CTBP2: variants seen among roughly 807,000 people sequenced by gnomAD.
The protein encoded by CTBP2 is C-terminal-binding protein 2.
Under a neutral mutation model 80.3 loss-of-function variants are expected in CTBP2, and 30 were observed. The observed-to-expected ratio is 0.37, with a 90% CI of 0.28 to 0.51. The LOEUF (loss-of-function observed/expected upper bound fraction) is 0.51, where lower values mean the gene tolerates loss of function less well. CTBP2 is among the 20% of genes least tolerant of loss of function. CTBP2 has a pLI of 0.93. For synonymous variants in CTBP2, 594 were observed against 587.4 expected (o/e 1.01, Z -0.16); for missense variants, 1,212 against 1,375.3 (o/e 0.88, Z 1.88).
intron 1 of CTBP2, among the ~76,000 whole-genome samples, chr10:125,145,747 G>A (rs1858654349): frequency 6.6e-6 from 1 of 152,104 alleles, no homozygotes; most frequent in African/African-American, 2.4e-5. Context: ...CAGCTAGCGT[G>A]GGAGCACTTC....
intron 1 of CTBP2, among the ~76,000 whole-genome samples, chr10:125,018,142 A>G (rs1230077572): frequency 6.6e-6 from 1 of 152,162 alleles, no homozygotes; most frequent in Non-Finnish European, 1.5e-5. Context: ...TGTGGGACTC[A>G]GGGTAGGGGG....
At chr10:125,124,709 T>C (rs1489331841) in intron 1 of CTBP2, among the ~76,000 whole-genome samples, 1 of 152,216 alleles carries the variant, frequency 6.6e-6, no homozygotes, top group East Asian at 1.9e-4. Flanking sequence ...ATAATTTGAT[T>C]AAACATATTT....
At chr10:125,013,926 TTCTC>T (rs769469139) in intron 1 of CTBP2, among the ~76,000 whole-genome samples, 2 of 152,060 alleles carry the variant, frequency 1.3e-5, no homozygotes, top group Non-Finnish European at 2.9e-5. Flanking sequence ...GGTCTTAAAG[TTCTC>T]TCTCTTTTAC....
Position 124,984,537 on chromosome 10 carries a change from T to C in CTBP2, c.*4981A>G, listed in dbSNP as rs980459477. ...TTATTTTATCTAACAAATTACCCTCTAGTGTGCTCCTCTTTAGTTTTTTTC... is the reference window on the plus strand; with the variant it reads ...TTATTTTATCTAACAAATTACCCTCCAGTGTGCTCCTCTTTAGTTTTTTTC... On this transcript the variant is annotated 3_prime_UTR_variant, in exon 9 of 9. Transcript: ENST00000309035. 1.4e-5 allele frequency: 7 copies of C among 509,950 alleles called. No homozygotes were observed. Among genetic ancestry groups the C allele is most frequent in the African/African-American group, 9.6e-5 (5 of 52,198 alleles). The allele number at this position is 509,950 out of a possible 1,614,324, so 31.6% of individuals were successfully genotyped here. A position where few individuals can be genotyped will look rare whatever the true frequency, so the allele number is the denominator to read the frequency against.
At chr10:125,006,608 G>A (rs1400636104) in intron 1 of CTBP2, among the ~76,000 whole-genome samples, 1 of 152,240 alleles carries the variant, frequency 6.6e-6, no homozygotes, top group Non-Finnish European at 1.5e-5. Flanking sequence ...CTCATATGGA[G>A]AGATGAAGGT....
intron 2 of CTBP2, among the ~76,000 whole-genome samples, chr10:125,046,871 C>T (rs774369716): frequency 6.6e-6 from 1 of 152,166 alleles, no homozygotes; most frequent in Non-Finnish European, 1.5e-5. Context: ...TGTTAGCACA[C>T]GAAAATACAT....
rs201153163 is a variant in CTBP2 at position 125,060,912 on chromosome 10, C to T, written c.-101-21757G>A. Reference sequence around the variant, plus strand: ...GCTAAGGTGCAAAGGGAGGAAAGAGCAACATGCAGGGTGACACCTGCAGAC... The same window carrying T: ...GCTAAGGTGCAAAGGGAGGAAAGAGTAACATGCAGGGTGACACCTGCAGAC... On this transcript the variant is annotated intron_variant, in intron 2 of 10. Transcript: ENST00000337195. Among the ~76,000 whole-genome samples the T allele has an allele frequency of 6.6e-5, 10 of 152,320 alleles. No individual in the cohort carries two copies. The East Asian group carries it at 1.9e-3, about 29-fold the overall frequency.
At chr10:124,993,683 T>C (rs1325550934) in intron 6 of CTBP2, among the ~76,000 whole-genome samples, 172 bp downstream of exon 8, 1 of 152,234 alleles carries the variant, frequency 6.6e-6, no homozygotes, top group Non-Finnish European at 1.5e-5. Context: ...TTCCAGCCCT[T>C]TTACAATTAG....
Position 124,998,130 on chromosome 10 carries a change from C to A in CTBP2, c.2019G>T (p.Glu673Asp), listed in dbSNP as rs770486965. 6.2e-7 allele frequency: 1 copy of A among 1,611,644 alleles called. No homozygotes were observed. Among genetic ancestry groups the A allele is most frequent in the South Asian group, 1.1e-5 (1 of 90,582 alleles). Residue 673 changes from glutamate (E) to aspartate (D), a missense_variant, in exon 4 of 9, where the codon GAG becomes GAT. Physicochemically the swap from Glu to Asp is conservative, Grantham distance 45. Transcript: ENST00000309035. Reference sequence around the variant, plus strand: ...TGTGGCAGATGGTAGAGTCCGCTGTCTCTTCCACGGCTGCAGACGGGATGT... The same window carrying A: ...TGTGGCAGATGGTAGAGTCCGCTGTATCTTCCACGGCTGCAGACGGGATGT...
At chr10:125,149,555 CG>C (rs1435100988) in intron 1 of CTBP2, among the ~76,000 whole-genome samples, 1 of 152,184 alleles carries the variant, frequency 6.6e-6, no homozygotes, top group East Asian at 1.9e-4. Flanking sequence ...AAGATGGAGG[CG>C]GGGGGCACCC....
At chr10:125,132,427 AAC>A (rs1164659709) in intron 1 of CTBP2, among the ~76,000 whole-genome samples, 1 of 152,218 alleles carries the variant, frequency 6.6e-6, no homozygotes, top group Non-Finnish European at 1.5e-5. Context: ...CCTTGTCAGA[AAC>A]ACAGGAATGG....
chr10:125,027,581 G>A lies in CTBP2; in HGVS notation c.179C>T (p.Ala60Val). The A allele has an allele frequency of 1.9e-6, 3 of 1,614,142 alleles. No homozygotes were observed. Among genetic ancestry groups the A allele is most frequent in the Non-Finnish European group, 2.5e-6 (3 of 1,180,032 alleles). ...GGGCTCGGCGGCCACGGGCAGGGCAGCGTCCTGTGGTCGGTGGTTTGGCTC... is the reference window on the plus strand; with the variant it reads ...GGGCTCGGCGGCCACGGGCAGGGCAACGTCCTGTGGTCGGTGGTTTGGCTC... The change falls in exon 1 of 9, where the codon GCT becomes GTT. Residue 60 changes from alanine to valine, a missense_variant. By Grantham distance (64) the Ala-to-Val change is moderately conservative. Around this residue, in one of 3 missense-constraint regions of CTBP2, gnomAD observed 848 missense variants for 782.3 expected, o/e 1.08. Coordinates refer to ENST00000309035, the MANE Select transcript of CTBP2 (RefSeq NM_022802.3).
In CTBP2 at chr10:124,994,767, C is replaced by T. The variant is rs534624030; in HGVS notation, c.2186-84G>A. On this transcript the variant is annotated intron_variant, in intron 4 of 8. Transcript: ENST00000309035. ...ACCTCCATTGCTTCTGAGCTGAGTC[C>T]GGGCTTGGCATCCCCGCTGGTAGCT... 184 of 1,384,620 alleles carry T rather than the reference C, an allele frequency of 1.3e-4. 1 individual carries two copies. The East Asian group carries it at 1.6e-3, about 12-fold the overall frequency. The allele number at this position is 1,384,620 out of a possible 1,614,324, so 85.8% of individuals were successfully genotyped here.
chr10:125,007,238 G>A (rs900970568), intron 1 of CTBP2, among the ~76,000 whole-genome samples: 1 of 152,098 alleles, frequency 6.6e-6, no homozygotes, highest in African/African-American at 2.4e-5. Flanking sequence ...AAGCCCTGCC[G>A]GCTCCCCTGG....
At chr10:125,030,829 A>T (rs193131554), upstream of CTBP2, among the ~76,000 whole-genome samples, 2 of 152,264 alleles carry the variant, frequency 1.3e-5, no homozygotes, top group Admixed American at 6.5e-5. Flanking sequence ...CAACTGAAGG[A>T]ACTTAAGGAA....
chr10:125,035,669 G>A (rs1163797420), intron 3 of CTBP2, among the ~76,000 whole-genome samples: 1 of 152,152 alleles, frequency 6.6e-6, no homozygotes, highest in Non-Finnish European at 1.5e-5. Context: ...TGCTCTTCTG[G>A]GTTCCCTTTG....
chr10:125,137,759 TAGCAATC>T (rs1565013273), intron 1 of CTBP2, among the ~76,000 whole-genome samples: 33 of 152,378 alleles, frequency 2.2e-4, no homozygotes, highest in East Asian at 1.9e-3. Context: ...TGCCAGCCTC[TAGCAATC>T]ACCTCCACCA....
At chr10:125,078,459 C>T (rs975588383) in intron 2 of CTBP2, among the ~76,000 whole-genome samples, 4 of 151,770 alleles carry the variant, frequency 2.6e-5, no homozygotes, top group African/African-American at 9.7e-5. Flanking sequence ...AAAGCCACTT[C>T]GTCACCTCAA....
rs1424139641 is a variant in CTBP2, at chr10:124,987,093, A to G, written c.*2425T>C. ...GCTACAGACAGGAATGGGGCTCTAA[A>G]TGGTTTTCATAGACTGGCTGTTAAA... On this transcript the variant is annotated 3_prime_UTR_variant, in exon 9 of 9. Coordinates refer to ENST00000309035, the MANE Select transcript of CTBP2 (RefSeq NM_022802.3). 2 of 152,624 alleles carry G rather than the reference A, an allele frequency of 1.3e-5. No homozygotes were observed. Among genetic ancestry groups the G allele is most frequent in the Non-Finnish European group, 2.9e-5 (2 of 68,042 alleles). 9.5% of individuals were successfully genotyped at this position (152,624 alleles called of 1,614,324 possible). A position where few individuals can be genotyped will look rare whatever the true frequency, so the allele number is the denominator to read the frequency against.
Sources: allele counts gnomAD v4.1 joint callset (sites outside exome capture counted in the v4.1 genomes callset), GRCh38; gene constraint gnomAD v4.1.1; regional missense constraint gnomAD v4.1.1; transcripts MANE v1.5; gene names NCBI Gene and HGNC (gene_info 2026-07-23, HGNC 2026-07-21).